The following C14orf39 variants were observed in gnomAD, a reference collection of about 807,000 sequenced individuals.
C14orf39 encodes the protein protein SIX6OS1.
Under a neutral mutation model 85.6 loss-of-function variants are expected in C14orf39, and 66 were observed. That is an observed-to-expected ratio of 0.77 (90% CI 0.63 to 0.95). C14orf39 has a LOEUF of 0.95. Among genes scored for constraint, C14orf39 ranks in the 40% least tolerant of loss-of-function variants. C14orf39 has a pLI of 0.00. For missense variants in C14orf39, 735 were observed against 663.9 expected, an observed-to-expected ratio of 1.11 and a Z score of -1.18; for synonymous variants, 242 against 214.0, an observed-to-expected ratio of 1.13 and a Z score of -1.14.
chr14:60,436,728 T>C lies in C14orf39; in HGVS notation c.*117A>G. 7 of 663,372 alleles carry C rather than the reference T, an allele frequency of 1.1e-5. No individual in the cohort carries two copies. In the South Asian group the frequency reaches 1.4e-4, roughly 13 times the overall value. 41.1% of individuals were successfully genotyped at this position (663,372 alleles called of 1,614,324 possible). On this transcript the variant is annotated 3_prime_UTR_variant, in exon 18 of 18. Transcript: ENST00000321731. ...TTTCAATAAATATAATCAAATAATG[T>C]AAACATTACTGCTTTAATCAATAAA...
intron 2 of C14orf39, among the ~76,000 whole-genome samples, chr14:60,492,132 T>A (rs75605357): frequency 1.3e-4 from 20 of 151,956 alleles, no homozygotes; most frequent in African/African-American, 4.1e-4. Flanking sequence ...GGCAAAACTT[T>A]AAAAAAAATT....
chr14:60,469,715 A>G (rs1891980123), intron 7 of C14orf39, 62 bp from the exon 8 acceptor site: 1 of 715,324 alleles, frequency 1.4e-6, no homozygotes, highest in Non-Finnish European at 2.0e-6. Context: ...TATGTGCCAT[A>G]TCAGAAATGA....
intron 17 of C14orf39, 81 bp downstream of exon 17, chr14:60,441,993 T>C (rs1890536606): frequency 2.2e-6 from 2 of 914,260 alleles, no homozygotes; most frequent in African/African-American, 1.7e-5. Flanking sequence ...ATTGAGCACC[T>C]AAGAAAATAA....
intron 1 of C14orf39, among the ~76,000 whole-genome samples, chr14:60,505,223 A>G (rs556803703): frequency 6.6e-6 from 1 of 152,350 alleles, no homozygotes; most frequent in African/African-American, 2.4e-5. Flanking sequence ...GGAGGAATGC[A>G]TGAAATAGTG....
chr14:60,479,547 T>A (rs1015907416), intron 4 of C14orf39, among the ~76,000 whole-genome samples: 1 of 152,178 alleles, frequency 6.6e-6, no homozygotes, highest in Non-Finnish European at 1.5e-5. Context: ...AAATAAAAAT[T>A]GGAATTATTT....
intron 17 of C14orf39, among the ~76,000 whole-genome samples, chr14:60,439,064 T>G (rs1201962237): frequency 6.6e-6 from 1 of 152,210 alleles, no homozygotes; most frequent in African/African-American, 2.4e-5. Context: ...ATTTGGAATA[T>G]TCCCCACACA....
At chr14:60,490,549 A>G (rs1892973379), upstream of C14orf39, among the ~76,000 whole-genome samples, 2 of 152,250 alleles carry the variant, frequency 1.3e-5, no homozygotes, top group Non-Finnish European at 2.9e-5. Context: ...ACTTGAGCCC[A>G]GGAATTCAAG....
chr14:60,495,941 G>A (rs1487707385), intron 2 of C14orf39: 2 of 452,240 alleles, frequency 4.4e-6, no homozygotes, highest in African/African-American at 4.0e-5. Flanking sequence ...AGTACTCAGG[G>A]GGCAAGACAT....
At chr14:60,474,176 G>C (rs1016891804) in intron 5 of C14orf39, among the ~76,000 whole-genome samples, 5 of 152,046 alleles carry the variant, frequency 3.3e-5, no homozygotes, top group East Asian at 1.9e-4. Context: ...ATTGTGAATG[G>C]GAGTTCACTC....
At chr14:60,501,184 G>C (rs958629570) in intron 1 of C14orf39, among the ~76,000 whole-genome samples, 1 of 151,716 alleles carries the variant, frequency 6.6e-6, no homozygotes, top group Non-Finnish European at 1.5e-5. Flanking sequence ...CCATGTATCT[G>C]TAGTCCTAGA....
chr14:60,445,155 A>G (rs1595442330), intron 16 of C14orf39, among the ~76,000 whole-genome samples: 1 of 152,236 alleles, frequency 6.6e-6, no homozygotes. Context: ...AAGAAACTAC[A>G]TCAATTAACG....
chr14:60,468,712 G>A (rs572498772), intron 8 of C14orf39, among the ~76,000 whole-genome samples, 176 bp from the exon 9 acceptor site: 6 of 151,488 alleles, frequency 4.0e-5, no homozygotes, highest in South Asian at 4.2e-4. Flanking sequence ...AATCACACCC[G>A]TTTAACTTTT....
chr14:60,514,916 C>T (rs966700227), intron 1 of C14orf39, among the ~76,000 whole-genome samples: 2 of 152,130 alleles, frequency 1.3e-5, no homozygotes, highest in African/African-American at 2.4e-5. Flanking sequence ...GCGGGGCTGT[C>T]AGGCGGCTCT....
upstream of C14orf39, among the ~76,000 whole-genome samples, chr14:60,487,967 G>C (rs1232590345): frequency 6.6e-6 from 1 of 151,988 alleles, no homozygotes; most frequent in Non-Finnish European, 1.5e-5. Context: ...CAGATTGTTT[G>C]TTTTCTTGCT....
At chr14:60,451,699 TG>T (rs1566659474) in intron 16 of C14orf39, among the ~76,000 whole-genome samples, 3 of 75,102 alleles carry the variant, frequency 4.0e-5, no homozygotes. Flanking sequence ...GGGTAGGGGG[TG>T]GGGGGAGGGA....
chr14:60,474,240 A>C (rs1325287376), intron 5 of C14orf39, among the ~76,000 whole-genome samples: 1 of 152,204 alleles, frequency 6.6e-6, no homozygotes, highest in Non-Finnish European at 1.5e-5. Context: ...TGATTTTTGC[A>C]CATTGATTTT....
intron 13 of C14orf39, among the ~76,000 whole-genome samples, chr14:60,459,811 C>A (rs557213423): frequency 6.6e-5 from 10 of 151,758 alleles, no homozygotes; most frequent in African/African-American, 2.2e-4. Flanking sequence ...ATTGGGTTGT[C>A]TGCTTTTTTG....
At position 60,461,242 on chromosome 14, in the gene C14orf39, T is replaced by C. The variant is rs1462578148; in HGVS notation, c.1117+112A>G. 6.3e-6 allele frequency: 5 copies of C among 797,452 alleles called. No homozygotes were observed. In the Admixed American group the frequency reaches 9.3e-5, roughly 15 times the overall value. The allele number at this position is 797,452 out of a possible 1,614,324, so 49.4% of individuals were successfully genotyped here. The stretch of plus-strand genomic sequence containing the variant: ...GATGTATTTTAAAGCCAGGCGTGCA[T>C]GGTCAGTTAACCAGAGATGCAAATA... On this transcript the variant is annotated intron_variant, in intron 13 of 17. Coordinates refer to ENST00000321731, the MANE Select transcript of C14orf39 (RefSeq NM_174978.3).
chr14:60,486,227 C>G (rs904781972), upstream of C14orf39: 2 of 152,200 alleles, frequency 1.3e-5, no homozygotes, highest in Non-Finnish European at 2.9e-5. Context: ...GAATAAGCCC[C>G]GTAAAACCAC....
Sources: allele counts gnomAD v4.1 joint callset (sites outside exome capture counted in the v4.1 genomes callset), GRCh38; gene constraint gnomAD v4.1.1; transcripts MANE v1.5; gene names NCBI Gene and HGNC (gene_info 2026-07-23, HGNC 2026-07-21).